The following CHIC1 variants were observed in gnomAD, a reference collection of about 807,000 sequenced individuals.
CHIC1 encodes cysteine rich hydrophobic domain 1.
CHIC1 carries 7 observed loss-of-function variants against 18.5 expected under a neutral mutation model. The observed-to-expected ratio is 0.38, with a 90% CI of 0.22 to 0.71. The LOEUF (loss-of-function observed/expected upper bound fraction) is 0.71. Among genes scored for constraint, CHIC1 ranks in the 30% least tolerant of loss-of-function variants. CHIC1 has a pLI of 0.49. For synonymous variants in CHIC1, 77 were observed against 73.5 expected, an observed-to-expected ratio of 1.05 and a Z score of -0.25; for missense variants, 159 against 176.9, an observed-to-expected ratio of 0.90 and a Z score of 0.57.
chrX:73,603,099 C>T (rs1569502060), intron 3 of CHIC1, among the ~76,000 whole-genome samples: 1 of 108,249 alleles, frequency 9.2e-6, no homozygotes, highest in East Asian at 2.8e-4. Context: ...TAAATTACTT[C>T]GGGCAGTATG....
At chrX:73,640,182 CTT>C (rs1313441833) in intron 3 of CHIC1, among the ~76,000 whole-genome samples, 1 of 111,152 alleles carries the variant, frequency 9.0e-6, no homozygotes, top group African/African-American at 3.3e-5. Context: ...CTAGATGTGT[CTT>C]ATTACTTTAA....
At chrX:73,598,601 G>A (rs918772434) in intron 3 of CHIC1, among the ~76,000 whole-genome samples, 8 of 106,335 alleles carry the variant, frequency 7.5e-5, no homozygotes, top group African/African-American at 2.4e-4. Flanking sequence ...TTGTTCTTGC[G>A]ATAGTTTACT....
chrX:73,655,963 A>C (rs1234193513), intron 3 of CHIC1, among the ~76,000 whole-genome samples: 1 of 110,555 alleles, frequency 9.0e-6, no homozygotes, highest in East Asian at 2.9e-4. Context: ...CCACAACCTC[A>C]CTAGCATCTG....
intron 3 of CHIC1, among the ~76,000 whole-genome samples, chrX:73,666,773 T>C (rs1186916659): frequency 2.7e-5 from 3 of 112,396 alleles, no homozygotes; most frequent in Non-Finnish European, 3.8e-5. Flanking sequence ...TTACTTCCAA[T>C]TATGTGATCA....
chrX:73,598,897 G>A (rs2057626335), intron 3 of CHIC1, among the ~76,000 whole-genome samples: 1 of 108,299 alleles, frequency 9.2e-6, no homozygotes, highest in African/African-American at 3.4e-5. Context: ...GATCCCTGAG[G>A]AATCGCCACA....
At chrX:73,614,551 AT>A (rs1313410802) in intron 3 of CHIC1, among the ~76,000 whole-genome samples, 1 of 109,322 alleles carries the variant, frequency 9.1e-6, no homozygotes, top group African/African-American at 3.3e-5. Flanking sequence ...GGCTTTGTTC[AT>A]TTTTTTCTTA....
chrX:73,607,702 T>C (rs2057689510), intron 3 of CHIC1, among the ~76,000 whole-genome samples: 1 of 108,364 alleles, frequency 9.2e-6, no homozygotes, highest in Non-Finnish European at 1.9e-5. Context: ...TGTTCCTCAC[T>C]CACGGCACAG....
At chrX:73,627,572 C>G (rs965069483) in intron 3 of CHIC1, among the ~76,000 whole-genome samples, 1 of 112,239 alleles carries the variant, frequency 8.9e-6, no homozygotes, top group Non-Finnish European at 1.9e-5. Context: ...GGAGCTTGAC[C>G]CCATAGCCAC....
intron 3 of CHIC1, among the ~76,000 whole-genome samples, chrX:73,621,622 A>G (rs1315869546): frequency 8.9e-6 from 1 of 112,128 alleles, no homozygotes; most frequent in Non-Finnish European, 1.9e-5. Context: ...TTCTAAATAT[A>G]CAATCATGTC....
chrX:73,596,878 A>G (rs1409429321), intron 3 of CHIC1, among the ~76,000 whole-genome samples: 1 of 111,873 alleles, frequency 8.9e-6, no homozygotes, highest in Non-Finnish European at 1.9e-5. Context: ...AAAATTAACT[A>G]CAGATGTATT....
chrX:73,661,314 T>C (rs748586152), intron 3 of CHIC1, among the ~76,000 whole-genome samples: 1 of 112,585 alleles, frequency 8.9e-6, no homozygotes, highest in South Asian at 3.7e-4. Flanking sequence ...AATTCAGGGA[T>C]GTGTGTAACA....
chrX:73,660,443 A>G (rs1000163821), intron 3 of CHIC1, among the ~76,000 whole-genome samples: 4 of 112,113 alleles, frequency 3.6e-5, no homozygotes, highest in African/African-American at 1.3e-4. Flanking sequence ...TGAGCCCAAT[A>G]GAGTGTAGCA....
intron 4 of CHIC1, 36 bp downstream of exon 4, chrX:73,679,418 A>T: frequency 1.1e-6 from 1 of 929,185 alleles, no homozygotes; most frequent in East Asian, 3.1e-5. Flanking sequence ...CCCCATTCAT[A>T]TATTTGCAGC....
intron 3 of CHIC1, among the ~76,000 whole-genome samples, chrX:73,672,537 T>TC (rs888330471): frequency 9.8e-5 from 11 of 112,765 alleles, no homozygotes; most frequent in Non-Finnish European, 2.1e-4. Flanking sequence ...GAGCATTTTT[T>TC]CAAGTGTTTT....
chrX:73,638,612 T>C (rs1251694567), intron 3 of CHIC1, among the ~76,000 whole-genome samples: 4 of 111,397 alleles, frequency 3.6e-5, no homozygotes, highest in Non-Finnish European at 7.6e-5. Flanking sequence ...GTTGTATGGA[T>C]CATTTTGTCA....
chrX:73,599,460 T>C (rs2057630515), intron 3 of CHIC1, among the ~76,000 whole-genome samples: 1 of 96,376 alleles, frequency 1.0e-5, no homozygotes, highest in Non-Finnish European at 2.0e-5. Context: ...GTTTTTATGG[T>C]TTTAGGTCTA....
intron 3 of CHIC1, among the ~76,000 whole-genome samples, chrX:73,612,660 A>C (rs1166878204): frequency 9.0e-6 from 1 of 111,716 alleles, no homozygotes; most frequent in African/African-American, 3.3e-5. Context: ...TTCCATCGTG[A>C]CCTGAAAAGA....
chrX:73,645,328 ATC>A (rs2057883939), intron 3 of CHIC1, among the ~76,000 whole-genome samples: 1 of 112,123 alleles, frequency 8.9e-6, no homozygotes, highest in South Asian at 3.7e-4. Flanking sequence ...ACACTTAGGT[ATC>A]TCTCTATCTT....
intron 3 of CHIC1, among the ~76,000 whole-genome samples, chrX:73,675,886 T>A (rs2058059606): frequency 9.1e-6 from 1 of 110,286 alleles, no homozygotes; most frequent in Non-Finnish European, 1.9e-5. Context: ...TTCCTTTCCA[T>A]GTTTAGTGCT....
Sources: gnomAD v4.1 joint callset for allele counts (sites outside exome capture counted in the v4.1 genomes callset) on GRCh38, gnomAD v4.1.1 for gene constraint, MANE v1.5 for transcripts, NCBI Gene and HGNC (gene_info 2026-07-23, HGNC 2026-07-21) for gene names.